The following PRTG variants were observed in gnomAD, a reference collection of about 807,000 sequenced individuals.
The protein encoded by PRTG is protogenin.
PRTG carries 67 observed loss-of-function variants against 122.5 expected under a neutral mutation model. The ratio of observed to expected loss-of-function variants is 0.55; its 90% CI spans 0.45 to 0.67. The LOEUF is 0.67. PRTG is among the 30% of genes least tolerant of loss of function. PRTG has a pLI of 0.00. For missense variants in PRTG, 1,435 were observed against 1,415.4 expected (o/e 1.01, Z -0.22); for synonymous variants, 554 against 501.1 (o/e 1.11, Z -1.41).
At chr15:55,713,828 G>A (rs1429748345) in intron 2 of PRTG, among the ~76,000 whole-genome samples, 1 of 152,070 alleles carries the variant, frequency 6.6e-6, no homozygotes, top group Non-Finnish European at 1.5e-5. Context: ...TTCGCTGCAT[G>A]TCTATTACCC....
intron 2 of PRTG, among the ~76,000 whole-genome samples, chr15:55,699,914 G>A (rs183348896): frequency 1.6e-4 from 24 of 152,258 alleles, no homozygotes; most frequent in African/African-American, 4.6e-4. Context: ...GGCCAGCCCT[G>A]TCCTTACAGG....
intron 2 of PRTG, among the ~76,000 whole-genome samples, chr15:55,727,575 T>C (rs1460153662): frequency 1.3e-5 from 2 of 152,104 alleles, no homozygotes; most frequent in African/African-American, 4.8e-5. Context: ...GTGGGAGGAC[T>C]GCCTGAGGTG....
intron 10 of PRTG, among the ~76,000 whole-genome samples, chr15:55,672,845 A>T (rs186095287): frequency 5.5e-4 from 84 of 152,304 alleles, no homozygotes; most frequent in Middle Eastern, 3.4e-3. Context: ...AAAGACCAAG[A>T]TATATAAATA....
At chr15:55,646,015 T>A (rs148830199) in intron 11 of PRTG, among the ~76,000 whole-genome samples, 243 of 152,238 alleles carry the variant, frequency 1.6e-3, no homozygotes, top group Middle Eastern at 3.4e-3. Flanking sequence ...TTTATTATTT[T>A]TTATTTTTTT....
chr15:55,743,047 C>G lies in PRTG; in HGVS notation c.-116G>C. 7.6e-7 allele frequency: 1 copy of G among 1,309,286 alleles called. No individual in the cohort carries two copies. The highest frequency in any genetic ancestry group is 9.7e-7 in the Non-Finnish European group (1 of 1,033,702). The allele number at this position is 1,309,286 out of a possible 1,614,324, so 81.1% of individuals were successfully genotyped here. ...GTCGCACGCAGCCTGGCTCCCCGCT[C>G]CGGCTCCGGCACCGGCGTGGCGAGC... On this transcript the variant is annotated 5_prime_UTR_variant, in exon 1 of 20. Transcript: ENST00000389286.
At chr15:55,679,661 T>G (rs773868684) in intron 6 of PRTG, 2 of 482,154 alleles carry the variant, frequency 4.1e-6, no homozygotes, top group Non-Finnish European at 7.3e-6. Flanking sequence ...AGCATCTATA[T>G]AGACACACTT....
In PRTG at chr15:55,679,723, T is replaced by G. The variant is rs370581869; in HGVS notation, c.974-278A>C. On this transcript the variant is annotated intron_variant, in intron 6 of 19. Coordinates refer to ENST00000389286, the MANE Select transcript of PRTG (RefSeq NM_173814.6). Reference sequence around the variant, plus strand: ...TAACTAAGAACAATATATAGCCACATGCGAATGCAGTGCAAGTGGCAATAA... The same window carrying G: ...TAACTAAGAACAATATATAGCCACAGGCGAATGCAGTGCAAGTGGCAATAA... 9.0e-4 allele frequency: 380 copies of G among 423,536 alleles called. 3 individuals are homozygous for G. The highest frequency in any genetic ancestry group is 6.8e-3 in the South Asian group (162 of 23,698). The allele number at this position is 423,536 out of a possible 1,614,324, so 26.2% of individuals were successfully genotyped here.
chr15:55,618,962 T>C lies in PRTG; in HGVS notation c.*1050A>G, dbSNP rs530304501. 2.0e-5 allele frequency: 3 copies of C among 152,272 alleles called. No homozygotes were observed. The highest frequency in any genetic ancestry group is 4.4e-5 in the Non-Finnish European group (3 of 68,012). 9.4% of individuals were successfully genotyped at this position (152,272 alleles called of 1,614,324 possible). ...TTCATTCTTAATAGTTCATGAAATGTCTTCACTCCTTTAAGCCAAACTGGG... is the reference window on the plus strand; with the variant it reads ...TTCATTCTTAATAGTTCATGAAATGCCTTCACTCCTTTAAGCCAAACTGGG... On this transcript the variant is annotated 3_prime_UTR_variant, in exon 20 of 20. Coordinates refer to ENST00000389286, the MANE Select transcript of PRTG (RefSeq NM_173814.6).
At chr15:55,669,202 G>C (rs564194281) in intron 11 of PRTG, among the ~76,000 whole-genome samples, 86 of 152,104 alleles carry the variant, frequency 5.7e-4, no homozygotes, top group Middle Eastern at 3.4e-3. Flanking sequence ...CATCAGAAAG[G>C]GGATTAGTAT....
chr15:55,643,364 A>T (rs141181118), intron 11 of PRTG, among the ~76,000 whole-genome samples: 5 of 152,284 alleles, frequency 3.3e-5, no homozygotes, highest in African/African-American at 1.2e-4. Flanking sequence ...ACATCCTCTT[A>T]TTTGACTATC....
At chr15:55,732,234 G>GACA (rs1355229742) in intron 2 of PRTG, among the ~76,000 whole-genome samples, 2 of 152,164 alleles carry the variant, frequency 1.3e-5, no homozygotes, top group Non-Finnish European at 2.9e-5. Flanking sequence ...TGTCACCCAG[G>GACA]CTAGAGTGCA....
chr15:55,717,909 A>C lies in PRTG; in HGVS notation c.397+22473T>G, dbSNP rs1290830583. ...CCTGTTTGGTGGTCTCTTCACATGG[A>C]CGCGCATGAAAGTTGGTGCCGTGAC... On this transcript the variant is annotated intron_variant, in intron 2 of 19. Coordinates refer to ENST00000389286, the MANE Select transcript of PRTG (RefSeq NM_173814.6). Among the ~76,000 whole-genome samples, 3 of 152,200 alleles carry C rather than the reference A, an allele frequency of 2.0e-5. No individual in the cohort carries two copies. The East Asian group carries it at 5.8e-4, about 29-fold the overall frequency.
At position 55,683,802 on chromosome 15, in the gene PRTG, G is replaced by C. The variant is rs1158855581; in HGVS notation, c.527C>G (p.Pro176Arg). ...CTACATCTACCTGTCCATAGTCATA[G>C]GTAGAGTTGTCCGATTGAACTCCCA... ...ITWEFNRTTL[P>R]MTMDRITALP... The change falls in exon 3 of 20, where the codon CCT becomes CGT. Residue 176 changes from proline to arginine, a missense_variant. Pro to Arg is a moderately radical substitution (Grantham distance 103). Coordinates refer to ENST00000389286, the MANE Select transcript of PRTG (RefSeq NM_173814.6). 3.7e-6 allele frequency: 6 copies of C among 1,613,598 alleles called. No homozygotes were observed. The South Asian group carries it at 6.6e-5, about 18-fold the overall frequency.
At position 55,689,754 on chromosome 15, in the gene PRTG, C is replaced by T. The variant is rs184435309; in HGVS notation, c.398-5823G>A. Among the ~76,000 whole-genome samples the T allele has an allele frequency of 1.7e-4, 26 of 151,966 alleles. 1 individual carries two copies. The South Asian group carries it at 4.2e-3, about 24-fold the overall frequency. ...CACCCTGGCTAACACGGTGAAACCC[C>T]GTCTCTACTAAAAATACAAAAAAAT... On this transcript the variant is annotated intron_variant, in intron 2 of 19. Transcript: ENST00000389286.
At chr15:55,638,289 C>T (rs1372247838) in intron 14 of PRTG, among the ~76,000 whole-genome samples, 2 of 152,068 alleles carry the variant, frequency 1.3e-5, no homozygotes, top group Non-Finnish European at 2.9e-5. Context: ...GAACAGCACA[C>T]CTGATCTTTT....
At chr15:55,717,036 T>C (rs1234393037) in intron 2 of PRTG, among the ~76,000 whole-genome samples, 1 of 152,194 alleles carries the variant, frequency 6.6e-6, no homozygotes, top group African/African-American at 2.4e-5. Context: ...TTTGAGCCAC[T>C]AATACAAAGG....
rs777018878 is a variant in PRTG, at chr15:55,638,559, A to G, written c.2442T>C (p.Thr814=). Residue 814 remains threonine (T), a synonymous_variant, in exon 14 of 20, where the codon ACT becomes ACC. Transcript: ENST00000389286. The part of the protein sequence containing the change: ...SPWSPVVYHS[T]LPEAPAGPPV... ...AGCTGTTTTCTTTACCTTCTGGAAG[A>G]GTAGAATGGTAGACTACAGGGCTCC... 1 of 1,607,080 alleles carries G rather than the reference A, an allele frequency of 6.2e-7. No homozygotes were observed. The highest frequency in any genetic ancestry group is 1.1e-5 in the South Asian group (1 of 89,304).
At chr15:55,687,577 A>T (rs879589691) in intron 2 of PRTG, among the ~76,000 whole-genome samples, 2 of 152,090 alleles carry the variant, frequency 1.3e-5, no homozygotes, top group Non-Finnish European at 2.9e-5. Flanking sequence ...TTTTTTTATT[A>T]TAACAATTGA....
Position 55,613,131 on chromosome 15 carries a change from A to T in PRTG, c.*6881T>A, listed in dbSNP as rs1014472856. ...GATGGAGAAGGCACAGAAACAGTTT[A>T]AGAATTTTTGTACCAAACGATTCTC... On this transcript the variant is annotated 3_prime_UTR_variant, in exon 20 of 20. Coordinates refer to ENST00000389286, the MANE Select transcript of PRTG (RefSeq NM_173814.6). 11 of 152,100 alleles carry T rather than the reference A, an allele frequency of 7.2e-5. No homozygotes were observed. The highest frequency in any genetic ancestry group is 2.7e-4 in the African/African-American group (11 of 41,452). The allele number at this position is 152,100 out of a possible 1,614,324, so 9.4% of individuals were successfully genotyped here.
Sources: allele counts gnomAD v4.1 joint callset (sites outside exome capture counted in the v4.1 genomes callset), GRCh38; gene constraint gnomAD v4.1.1; transcripts MANE v1.5; gene names NCBI Gene and HGNC (gene_info 2026-07-23, HGNC 2026-07-21).